CFAP20DC: variants seen among roughly 807,000 people sequenced by gnomAD.
CFAP20DC encodes the protein protein CFAP20DC.
CFAP20DC carries 84 observed loss-of-function variants against 101.7 expected under a neutral mutation model. That is an observed-to-expected ratio of 0.83 (90% confidence interval 0.69 to 0.99). The LOEUF is 0.99. CFAP20DC is among the 50% of genes least tolerant of loss of function. The probability of loss-of-function intolerance (pLI) is 0.00; values close to 1 mark genes in which losing one functional copy is unlikely to be tolerated. For synonymous variants in CFAP20DC, 359 were observed against 351.2 expected (o/e 1.02, Z -0.25); for missense variants, 1,007 against 970.3 (o/e 1.04, Z -0.50).
chr3:58,937,546 C>T (rs1576393329), intron 5 of CFAP20DC, 102 bp downstream of exon 5: 5 of 709,012 alleles, frequency 7.1e-6, no homozygotes, highest in South Asian at 1.9e-5. Flanking sequence ...TTTTTTATAC[C>T]ACCATCGTAC....
chr3:58,854,700 A>G (rs201278026), intron 12 of CFAP20DC, among the ~76,000 whole-genome samples: 4 of 151,804 alleles, frequency 2.6e-5, no homozygotes, highest in Non-Finnish European at 5.9e-5. Context: ...CAACTATCTG[A>G]TCTTTGACAA....
At chr3:58,827,612 T>G (rs1383582155) in intron 14 of CFAP20DC, among the ~76,000 whole-genome samples, 1 of 152,192 alleles carries the variant, frequency 6.6e-6, no homozygotes, top group African/African-American at 2.4e-5. Flanking sequence ...ATGGTAAACT[T>G]GAACTCATTC....
chr3:58,902,133 T>C (rs1053535040), intron 6 of CFAP20DC, among the ~76,000 whole-genome samples: 13 of 152,238 alleles, frequency 8.5e-5, no homozygotes, highest in Non-Finnish European at 1.5e-5. Flanking sequence ...TTGCAATACA[T>C]ACAAATGGCT....
At chr3:58,764,305 G>A (rs1403651666) in intron 15 of CFAP20DC, among the ~76,000 whole-genome samples, 2 of 152,146 alleles carry the variant, frequency 1.3e-5, no homozygotes, top group East Asian at 1.9e-4. Context: ...AGCAATAAGC[G>A]AGGCTCCGTT....
intron 6 of CFAP20DC, among the ~76,000 whole-genome samples, chr3:58,905,795 G>A (rs944036685): frequency 6.6e-6 from 1 of 152,178 alleles, no homozygotes; most frequent in African/African-American, 2.4e-5. Flanking sequence ...AGCCTCATCA[G>A]TCTTTGCAGA....
intron 16 of CFAP20DC, among the ~76,000 whole-genome samples, chr3:58,749,319 G>C (rs750623871): frequency 7.9e-5 from 12 of 152,168 alleles, no homozygotes; most frequent in African/African-American, 2.7e-4. Flanking sequence ...GGGCATGAAA[G>C]AATTCCTCTG....
At chr3:58,926,436 T>G (rs1391247938) in intron 5 of CFAP20DC, among the ~76,000 whole-genome samples, 1 of 151,856 alleles carries the variant, frequency 6.6e-6, no homozygotes, top group African/African-American at 2.4e-5. Context: ...ATGAAAACAT[T>G]AAAAAACTCT....
chr3:58,963,187 AGTTTGTGT>A (rs1442283652), intron 4 of CFAP20DC, among the ~76,000 whole-genome samples: 2 of 53,002 alleles, frequency 3.8e-5, no homozygotes, highest in East Asian at 1.6e-3. Flanking sequence ...AAGGTTCAGT[AGTTTGTGT>A]GTGTGTGTGT....
At chr3:58,918,933 A>G (rs1449140375) in intron 5 of CFAP20DC, among the ~76,000 whole-genome samples, 1 of 152,224 alleles carries the variant, frequency 6.6e-6, no homozygotes, top group East Asian at 1.9e-4. Flanking sequence ...TTTGTGCTCA[A>G]TAAATGTCAA....
intron 13 of CFAP20DC, among the ~76,000 whole-genome samples, chr3:58,841,938 G>C (rs1281470663): frequency 2.0e-5 from 3 of 152,134 alleles, no homozygotes; most frequent in African/African-American, 7.2e-5. Flanking sequence ...GTTCAAAATT[G>C]CTTGAATACA....
In CFAP20DC at chr3:58,899,883, C is replaced by T. The variant is rs536597620; in HGVS notation, c.550+13825G>A. On this transcript the variant is annotated intron_variant, in intron 6 of 16. Transcript: ENST00000482387. The surrounding 1 kb of genome is among the most constrained non-coding windows in gnomAD (Gnocchi z 5.0). ...CACTTGCCACTTTCACTCCTCTCCA[C>T]GAGTGCTGCAGACCACAGCTGCTTT... Among the ~76,000 whole-genome samples the T allele has an allele frequency of 6.4e-4, 98 of 152,278 alleles. No homozygotes were observed. The highest frequency in any genetic ancestry group is 2.3e-3 in the African/African-American group (97 of 41,570).
rs1013561440 is a variant in CFAP20DC, at chr3:58,799,721, CTGTGTGTGTGTCTGTGTGTGTG to C, written c.2237+6652_2237+6673del. ...TCGAGAAGGAGCAGTGTGTGTGTGT[CTGTGTGTGTGTCTGTGTGTGTG>C]TGTGTGTGTGTGTGTGTGTGTGTGT... On this transcript the variant is annotated intron_variant, in intron 15 of 16. Coordinates refer to ENST00000482387, the MANE Select transcript of CFAP20DC (RefSeq NM_001394063.1). This position sits in a 1 kb window ranked among gnomAD's most constrained non-coding sequence, Gnocchi z 4.9. Among the ~76,000 whole-genome samples the C allele has an allele frequency of 7.4e-6, 1 of 134,556 alleles. No individual in the cohort carries two copies. The highest frequency in any genetic ancestry group is 3.0e-5 in the African/African-American group (1 of 32,998). 88.3% of individuals were successfully genotyped at this position (134,556 alleles called of 152,430 possible). A position where few individuals can be genotyped will look rare whatever the true frequency, so the allele number is the denominator to read the frequency against.
At chr3:58,990,754 GGTGTGTGT>G (rs71091398) in intron 4 of CFAP20DC, among the ~76,000 whole-genome samples, 2 of 143,926 alleles carry the variant, frequency 1.4e-5, no homozygotes, top group Admixed American at 7.0e-5. Flanking sequence ...ATGCTCAGCT[GGTGTGTGT>G]GTGTGTGTGT....
rs2079213096 is a variant in CFAP20DC at position 58,861,118 on chromosome 3, T to C, written c.1593+2440A>G. Reference sequence around the variant, plus strand: ...TTGCTGAAAGCTAATTTTAATTAGCTTTTACTGTTGTATGGGTACTTGTCT... The same window carrying C: ...TTGCTGAAAGCTAATTTTAATTAGCCTTTACTGTTGTATGGGTACTTGTCT... On this transcript the variant is annotated intron_variant, in intron 12 of 16. Coordinates refer to ENST00000482387, the MANE Select transcript of CFAP20DC (RefSeq NM_001394063.1). This position sits in a 1 kb window ranked among gnomAD's most constrained non-coding sequence, Gnocchi z 4.0. 6.4e-6 allele frequency: 1 copy of C among 155,050 alleles called. No individual in the cohort carries two copies. The allele number at this position is 155,050 out of a possible 1,614,324, so 9.6% of individuals were successfully genotyped here. A position where few individuals can be genotyped will look rare whatever the true frequency, so the allele number is the denominator to read the frequency against.
chr3:58,862,853 C>A (rs1053657068), intron 12 of CFAP20DC: 1 of 984,914 alleles, frequency 1.0e-6, no homozygotes, highest in Non-Finnish European at 1.2e-6. Context: ...AGAAAATCCA[C>A]GACTAAATGC....
intron 3 of CFAP20DC, among the ~76,000 whole-genome samples, chr3:58,735,841 T>C (rs528468194): frequency 6.6e-6 from 1 of 152,316 alleles, no homozygotes; most frequent in East Asian, 1.9e-4. Flanking sequence ...AAATTAAGGA[T>C]ATAAACATTA....
rs1025957147 is a variant in CFAP20DC, at chr3:59,014,913, G to A, written c.278+24644C>T. Among the ~76,000 whole-genome samples the A allele has an allele frequency of 2.6e-5, 4 of 152,114 alleles. No homozygotes were observed. Among genetic ancestry groups the A allele is most frequent in the Non-Finnish European group, 4.4e-5 (3 of 68,014 alleles). On this transcript the variant is annotated intron_variant, in intron 4 of 16. Coordinates refer to ENST00000482387, the MANE Select transcript of CFAP20DC (RefSeq NM_001394063.1). This position sits in a 1 kb window ranked among gnomAD's most constrained non-coding sequence, Gnocchi z 4.9. ...GTGATGTCAGATTGGTAGCTTGAAA[G>A]CAGCCATGGTGGGAATATTTACACC...
In CFAP20DC at chr3:58,864,003, G is replaced by T; in HGVS notation, c.1259-111C>A. On this transcript the variant is annotated intron_variant, in intron 11 of 16. Coordinates refer to ENST00000482387, the MANE Select transcript of CFAP20DC (RefSeq NM_001394063.1). This position sits in a 1 kb window ranked among gnomAD's most constrained non-coding sequence, Gnocchi z 4.7. ...GAGACAGTCTCACTCTGCCGCCTAG[G>T]CTGCAGTGCAGTCACGCGATCTCGG... is the stretch of plus-strand genomic sequence containing the variant. The T allele has an allele frequency of 1.9e-6, 2 of 1,070,156 alleles. No individual in the cohort carries two copies. Among genetic ancestry groups the T allele is most frequent in the Non-Finnish European group, 2.6e-6 (2 of 771,172 alleles). The allele number at this position is 1,070,156 out of a possible 1,614,324, so 66.3% of individuals were successfully genotyped here. A position where few individuals can be genotyped will look rare whatever the true frequency, so the allele number is the denominator to read the frequency against.
Position 58,986,294 on chromosome 3 carries a change from T to C in CFAP20DC, c.279-48532A>G, listed in dbSNP as rs575568971. Among the ~76,000 whole-genome samples the C allele has an allele frequency of 2.0e-5, 3 of 152,302 alleles. No homozygotes were observed. In the South Asian group the frequency reaches 6.2e-4, roughly 32 times the overall value. ...TTATTGGGGGATGAGCTATCTAGCC[T>C]AAATGTATACAGGAACCAGAGGGTT... is the stretch of plus-strand genomic sequence containing the variant. On this transcript the variant is annotated intron_variant, in intron 4 of 16. Transcript: ENST00000482387.
Sources: allele counts gnomAD v4.1 joint callset (sites outside exome capture counted in the v4.1 genomes callset), GRCh38; gene constraint gnomAD v4.1.1; non-coding constraint Gnocchi (gnomAD v3.1); transcripts MANE v1.5; gene names NCBI Gene and HGNC (gene_info 2026-07-23, HGNC 2026-07-21).